GPC5: variants seen among roughly 807,000 people sequenced by gnomAD.
GPC5 encodes the protein glypican 5.
In GPC5, 47 loss-of-function variants were observed where a neutral mutation model predicts 53.9. The ratio of observed to expected loss-of-function variants is 0.87; its 90% CI spans 0.69 to 1.11. GPC5 has a LOEUF of 1.11. Among genes scored for constraint, GPC5 ranks in the 50% most tolerant of loss-of-function variants. The probability of loss-of-function intolerance (pLI) is 0.00; values close to 1 mark genes in which losing one functional copy is unlikely to be tolerated. For missense variants in GPC5, 748 were observed against 713.1 expected (o/e 1.05, Z -0.56); for synonymous variants, 286 against 263.3 (o/e 1.09, Z -0.84).
At chr13:92,585,074 G>T (rs1215060131) in intron 7 of GPC5, among the ~76,000 whole-genome samples, 3 of 152,076 alleles carry the variant, frequency 2.0e-5, no homozygotes, top group Admixed American at 6.5e-5. Flanking sequence ...GGAAATGTGG[G>T]GTCAGAGACC....
At chr13:91,754,739 A>G (rs144245194) in intron 4 of GPC5, among the ~76,000 whole-genome samples, 196 of 152,270 alleles carry the variant, frequency 1.3e-3, no homozygotes, top group African/African-American at 4.6e-3. Flanking sequence ...TTGTTCATGC[A>G]TTACAATTAG....
At chr13:92,106,489 C>T (rs1224972607) in intron 6 of GPC5, among the ~76,000 whole-genome samples, 2 of 151,830 alleles carry the variant, frequency 1.3e-5, no homozygotes, top group African/African-American at 2.4e-5. Context: ...TTTTCACTCA[C>T]GAAACATGCT....
chr13:91,526,226 C>A (rs546708940), intron 2 of GPC5, among the ~76,000 whole-genome samples: 18 of 152,294 alleles, frequency 1.2e-4, no homozygotes, highest in Non-Finnish European at 2.2e-4. Flanking sequence ...GCATCTTTTA[C>A]AACTGTTTCA....
intron 7 of GPC5, among the ~76,000 whole-genome samples, chr13:92,849,377 G>A (rs1878716667): frequency 6.6e-6 from 1 of 152,202 alleles, no homozygotes; most frequent in Non-Finnish European, 1.5e-5. Flanking sequence ...TAATACACAT[G>A]ATGGATAGGA....
chr13:91,925,657 T>A (rs1020235892), intron 6 of GPC5, among the ~76,000 whole-genome samples: 4 of 152,130 alleles, frequency 2.6e-5, no homozygotes, highest in Admixed American at 6.5e-5. Context: ...CTTATTGAGG[T>A]CTTATTATGA....
chr13:92,341,695 G>A (rs2043368067), intron 7 of GPC5, among the ~76,000 whole-genome samples: 1 of 152,082 alleles, frequency 6.6e-6, no homozygotes, highest in African/African-American at 2.4e-5. Context: ...TTGGGAGGTT[G>A]AGAAGGGAGA....
chr13:91,653,126 A>C (rs2139566974), intron 2 of GPC5, among the ~76,000 whole-genome samples: 1 of 152,302 alleles, frequency 6.6e-6, no homozygotes, highest in Non-Finnish European at 1.5e-5. Flanking sequence ...GTATTCTCTA[A>C]CAAAAAGATG....
rs762274729 is a variant in GPC5, at chr13:91,693,209, A to G, written c.348A>G (p.Lys116=). Residue 116 remains lysine, a synonymous_variant, in exon 3 of 8, where the codon AAA becomes AAG. Coordinates refer to ENST00000377067, the MANE Select transcript of GPC5 (RefSeq NM_004466.6). Reference sequence around the variant, plus strand: ...CAGAAACCCTTGAAACTCTCATCAAACAAGCAGAAAATTACACCAGTATAC... The same window carrying G: ...CAGAAACCCTTGAAACTCTCATCAAGCAAGCAGAAAATTACACCAGTATAC... ...AFQETLETLI[K]QAENYTSILF... is the part of the protein sequence containing the mutation. 1.2e-6 allele frequency: 2 copies of G among 1,613,214 alleles called. No homozygotes were observed. The highest frequency in any genetic ancestry group is 4.5e-5 in the East Asian group (2 of 44,858).
chr13:92,189,141 G>A (rs1223445078), intron 7 of GPC5, among the ~76,000 whole-genome samples: 5 of 152,134 alleles, frequency 3.3e-5, no homozygotes, highest in South Asian at 4.1e-4. Flanking sequence ...AGGTCCCCAC[G>A]GTGACTATCT....
At chr13:92,200,037 T>C (rs1407354274) in intron 7 of GPC5, among the ~76,000 whole-genome samples, 1 of 152,240 alleles carries the variant, frequency 6.6e-6, no homozygotes, top group East Asian at 1.9e-4. Context: ...GTATTTTCAT[T>C]GAGAATATGA....
At chr13:92,818,118 T>C (rs557624936) in intron 7 of GPC5, among the ~76,000 whole-genome samples, 147 of 151,608 alleles carry the variant, frequency 9.7e-4, no homozygotes, top group African/African-American at 3.5e-3. Flanking sequence ...GTTCAAGTGA[T>C]TGTCCTGCCT....
intron 6 of GPC5, among the ~76,000 whole-genome samples, chr13:92,011,129 TACA>T (rs1450020264): frequency 6.6e-6 from 1 of 151,708 alleles, no homozygotes; most frequent in African/African-American, 2.4e-5. Flanking sequence ...AGATAAGGAA[TACA>T]TTTTAAGCAA....
chr13:91,938,945 A>T (rs902818979), intron 6 of GPC5, among the ~76,000 whole-genome samples: 15 of 152,084 alleles, frequency 9.9e-5, no homozygotes, highest in Admixed American at 3.9e-4. Flanking sequence ...AATTTTTATA[A>T]ATATGCAAAA....
At chr13:91,439,997 C>T (rs1412464782) in intron 1 of GPC5, among the ~76,000 whole-genome samples, 1 of 152,124 alleles carries the variant, frequency 6.6e-6, no homozygotes, top group Non-Finnish European at 1.5e-5. Context: ...TTGTTTACAT[C>T]CTGAGATTCT....
At chr13:92,082,160 C>T (rs1004291204) in intron 6 of GPC5, among the ~76,000 whole-genome samples, 7 of 151,960 alleles carry the variant, frequency 4.6e-5, no homozygotes, top group Non-Finnish European at 1.0e-4. Flanking sequence ...TTTCCTAGTA[C>T]TGAATTATGA....
chr13:91,743,072 T>C (rs1045093729), intron 4 of GPC5, among the ~76,000 whole-genome samples: 2 of 152,100 alleles, frequency 1.3e-5, no homozygotes, highest in African/African-American at 4.8e-5. Context: ...AAACATCTTT[T>C]CCACCAAGAA....
At chr13:91,795,262 A>G (rs1252040396) in intron 5 of GPC5, among the ~76,000 whole-genome samples, 3 of 152,204 alleles carry the variant, frequency 2.0e-5, no homozygotes, top group African/African-American at 7.2e-5. Context: ...AAAAATGTGT[A>G]TATTGGTTCA....
chr13:91,987,350 A>G (rs904325809), intron 6 of GPC5, among the ~76,000 whole-genome samples: 2 of 152,182 alleles, frequency 1.3e-5, no homozygotes, highest in African/African-American at 4.8e-5. Flanking sequence ...TACTCTTAAC[A>G]GCAAGGACTG....
chr13:91,932,882 T>C (rs1047227970), intron 6 of GPC5, among the ~76,000 whole-genome samples: 1 of 151,988 alleles, frequency 6.6e-6, no homozygotes, highest in Admixed American at 6.6e-5. Flanking sequence ...AAAATAGTAA[T>C]TCTTAATAAG....
Sources: allele counts gnomAD v4.1 joint callset (sites outside exome capture counted in the v4.1 genomes callset), GRCh38; gene constraint gnomAD v4.1.1; transcripts MANE v1.5; gene names NCBI Gene and HGNC (gene_info 2026-07-23, HGNC 2026-07-21).